The following ROBO1 variants were observed in gnomAD, a reference collection of about 807,000 sequenced individuals.
ROBO1 encodes roundabout homolog 1.
In ROBO1, 149 loss-of-function variants were observed where a neutral mutation model predicts 195.9. The ratio of observed to expected loss-of-function variants is 0.76; its 90% CI spans 0.67 to 0.87. The LOEUF (loss-of-function observed/expected upper bound fraction) is 0.87, where lower values mean the gene tolerates loss of function less well. Among genes scored for constraint, ROBO1 ranks in the 40% least tolerant of loss-of-function variants. The pLI is 0.00. For synonymous variants in ROBO1, 816 were observed against 733.2 expected, an observed-to-expected ratio of 1.11 and a Z score of -1.82; for missense variants, 1,933 against 2,068.3, an observed-to-expected ratio of 0.93 and a Z score of 1.27.
chr3:78,715,935 C>A (rs1040070864), intron 7 of ROBO1, among the ~76,000 whole-genome samples: 2 of 152,180 alleles, frequency 1.3e-5, no homozygotes, highest in Non-Finnish European at 2.9e-5. Flanking sequence ...CACAAAGCCC[C>A]TCTTAGTTTC....
intron 3 of ROBO1, among the ~76,000 whole-genome samples, chr3:79,089,038 T>C (rs368519022): frequency 6.6e-6 from 1 of 152,094 alleles, no homozygotes. Context: ...TCGCTTTTAG[T>C]AAAGTCATTT....
chr3:79,530,390 A>T (rs192208626), intron 2 of ROBO1, among the ~76,000 whole-genome samples: 1 of 152,098 alleles, frequency 6.6e-6, no homozygotes, highest in Non-Finnish European at 1.5e-5. Context: ...TGCCAGTTTG[A>T]CATTACTACC....
chr3:79,510,525 A>G (rs973771909), intron 2 of ROBO1, among the ~76,000 whole-genome samples: 11 of 151,050 alleles, frequency 7.3e-5, no homozygotes, highest in Admixed American at 6.6e-4. Flanking sequence ...ATGTTGGAGT[A>G]CATGGTTATT....
chr3:79,695,163 A>C (rs1462358140), intron 1 of ROBO1, among the ~76,000 whole-genome samples: 1 of 151,670 alleles, frequency 6.6e-6, no homozygotes, highest in Non-Finnish European at 1.5e-5. Context: ...AAATGAGGAA[A>C]ATATGAACAT....
chr3:78,703,280 C>T (rs2081464327), intron 8 of ROBO1, among the ~76,000 whole-genome samples: 1 of 152,102 alleles, frequency 6.6e-6, no homozygotes, highest in African/African-American at 2.4e-5. Context: ...CATTAAAAAA[C>T]CCAGCAGGAG....
intron 2 of ROBO1, among the ~76,000 whole-genome samples, chr3:79,478,009 T>C (rs1459509617): frequency 1.3e-5 from 2 of 152,190 alleles, no homozygotes; most frequent in Non-Finnish European, 2.9e-5. Context: ...AAGACATTAG[T>C]GCATGTTTTC....
intron 2 of ROBO1, among the ~76,000 whole-genome samples, chr3:79,583,703 G>A (rs1466960855): frequency 1.3e-5 from 2 of 151,722 alleles, no homozygotes; most frequent in African/African-American, 4.8e-5. Flanking sequence ...TTTTTTTAAA[G>A]ATATCCACAT....
At chr3:79,268,422 C>T (rs1259584306) in intron 2 of ROBO1, among the ~76,000 whole-genome samples, 2 of 151,358 alleles carry the variant, frequency 1.3e-5, no homozygotes, top group Non-Finnish European at 1.5e-5. Flanking sequence ...ATAATCTGCC[C>T]CTTTCTGTAT....
chr3:79,365,841 G>C (rs547156004), intron 2 of ROBO1, among the ~76,000 whole-genome samples: 51 of 150,098 alleles, frequency 3.4e-4, no homozygotes, highest in Non-Finnish European at 6.0e-4. Context: ...AGCTTGCAGT[G>C]AGCCGAGATC....
At position 78,717,369 on chromosome 3, in the gene ROBO1, C is replaced by T; in HGVS notation, c.823G>A (p.Val275Met). 3 of 1,613,550 alleles carry T rather than the reference C, an allele frequency of 1.9e-6. No individual in the cohort carries two copies. The highest frequency in any genetic ancestry group is 2.5e-6 in the Non-Finnish European group (3 of 1,179,556). The change falls in exon 7 of 31, where the codon GTG becomes ATG. Residue 275 changes from valine to methionine, a missense_variant. Val to Met is a conservative substitution (Grantham distance 21). Around this residue, in one of 3 missense-constraint regions of ROBO1, gnomAD observed 1,737 missense variants for 1,882.5 expected, o/e 0.92. Coordinates refer to ENST00000464233, the MANE Select transcript of ROBO1 (RefSeq NM_002941.4). ...VKRPSNLAVT[V>M]DDSAEFKCEA... ...CATTTAAATTCTGCACTGTCATCCA[C>T]AGTTACTGCCAAGTTACTGGGTCTC...
intron 2 of ROBO1, among the ~76,000 whole-genome samples, chr3:79,193,727 G>T (rs1302679767): frequency 6.6e-6 from 1 of 150,746 alleles, no homozygotes; most frequent in Non-Finnish European, 1.5e-5. Flanking sequence ...GATAATTAAT[G>T]TGGACTTGAT....
chr3:79,732,604 G>A (rs1364482103), intron 1 of ROBO1, among the ~76,000 whole-genome samples: 3 of 151,970 alleles, frequency 2.0e-5, no homozygotes, highest in African/African-American at 7.3e-5. Flanking sequence ...CTCCCTTGCC[G>A]CTCTATGAAA....
chr3:79,399,421 T>C lies in ROBO1; in HGVS notation c.88+190403A>G, dbSNP rs76620355. The stretch of plus-strand genomic sequence containing the variant: ...TCCCATAATCATGCCAAGTACACTG[T>C]TAATATCTAACCCTTTGCATTTACT... On this transcript the variant is annotated intron_variant, in intron 2 of 30. Transcript: ENST00000464233. Among the ~76,000 whole-genome samples, 473 of 152,244 alleles carry C rather than the reference T, an allele frequency of 3.1e-3. 1 individual carries two copies. Among genetic ancestry groups the C allele is most frequent in the South Asian group, 5.4e-3 (26 of 4,818 alleles).
At chr3:78,716,704 G>A (rs564721581) in intron 7 of ROBO1, among the ~76,000 whole-genome samples, 4 of 152,096 alleles carry the variant, frequency 2.6e-5, no homozygotes, top group South Asian at 4.2e-4. Flanking sequence ...CTCAACACAT[G>A]TTTGCTGAAG....
intron 2 of ROBO1, among the ~76,000 whole-genome samples, chr3:79,365,698 C>A (rs2109319099): frequency 6.6e-6 from 1 of 152,112 alleles, no homozygotes; most frequent in African/African-American, 2.4e-5. Flanking sequence ...GAGATCGAGA[C>A]CATCCTGGCT....
chr3:79,427,547 T>C (rs141223338), intron 2 of ROBO1, among the ~76,000 whole-genome samples: 1 of 152,290 alleles, frequency 6.6e-6, no homozygotes, highest in African/African-American at 2.4e-5. Context: ...AGTTTCAATT[T>C]CCTCATTTTA....
chr3:79,627,851 C>G (rs1234577480), intron 1 of ROBO1, among the ~76,000 whole-genome samples: 2 of 152,122 alleles, frequency 1.3e-5, no homozygotes, highest in African/African-American at 4.8e-5. Context: ...AGAACAGACA[C>G]TTCTCAAAAG....
chr3:79,411,441 A>C (rs2037760853), intron 2 of ROBO1, among the ~76,000 whole-genome samples: 1 of 151,622 alleles, frequency 6.6e-6, no homozygotes, highest in African/African-American at 2.4e-5. Flanking sequence ...CCAATTGTAA[A>C]GTATCAGCTT....
At chr3:78,730,604 G>C (rs2082264248) in intron 5 of ROBO1, among the ~76,000 whole-genome samples, 1 of 152,150 alleles carries the variant, frequency 6.6e-6, no homozygotes, top group Non-Finnish European at 1.5e-5. Flanking sequence ...GAGCTTGCAA[G>C]TGACAAGCTT....
Sources: gnomAD v4.1 joint callset for allele counts (sites outside exome capture counted in the v4.1 genomes callset) on GRCh38, gnomAD v4.1.1 for gene constraint, gnomAD v4.1.1 regional missense constraint, MANE v1.5 for transcripts, NCBI Gene and HGNC (gene_info 2026-07-23, HGNC 2026-07-21) for gene names.